NPHP1: variants seen among roughly 807,000 people sequenced by gnomAD.
NPHP1 encodes nephrocystin 1.
NPHP1 carries 70 observed loss-of-function variants against 90.4 expected under a neutral mutation model. The ratio of observed to expected loss-of-function variants is 0.77; its 90% confidence interval spans 0.64 to 0.95. NPHP1 has a LOEUF of 0.95. Among genes scored for constraint, NPHP1 ranks in the 40% least tolerant of loss-of-function variants. The pLI is 0.00. For synonymous variants in NPHP1, 256 were observed against 271.7 expected (o/e 0.94, Z 0.57); for missense variants, 764 against 795.9 (o/e 0.96, Z 0.48).
chr2:110,195,817 T>C (rs957182522), intron 2 of NPHP1, among the ~76,000 whole-genome samples: 8 of 152,048 alleles, frequency 5.3e-5, no homozygotes, highest in African/African-American at 1.7e-4. Flanking sequence ...TATAGACCTA[T>C]GGAATAGAAC....
chr2:110,168,567 A>C lies in NPHP1; in HGVS notation c.523-14T>G, dbSNP rs1455262943. The C allele has an allele frequency of 1.0e-5, 15 of 1,481,680 alleles. No individual in the cohort carries two copies. Among genetic ancestry groups the C allele is most frequent in the Non-Finnish European group, 1.3e-5 (14 of 1,059,430 alleles). The allele number at this position is 1,481,680 out of a possible 1,614,324, so 91.8% of individuals were successfully genotyped here. A position where few individuals can be genotyped will look rare whatever the true frequency, so the allele number is the denominator to read the frequency against. ...AATTTCCCCTTTCTTAAAGCAAAAC[A>C]AAGTAAACCATTTTAAATAAAATTC... On this transcript the variant is annotated splice_polypyrimidine_tract_variant and intron_variant, in intron 5 of 19. Coordinates refer to ENST00000445609, the MANE Select transcript of NPHP1 (RefSeq NM_001128178.3).
Position 110,169,922 on chromosome 2 carries a change from C to A in NPHP1, c.406G>T (p.Ala136Ser), listed in dbSNP as rs149817816. ...TCTTTCTCTTCCTCTTCCTCCTCTG[C>A]ATCTTCTTCCTCCCCACCACTGTCT... ...SEDSGGEEED[A>S]EEEEEEKEEN... The change falls in exon 5 of 20, where the codon GCA becomes TCA. Residue 136 changes from alanine (A) to serine (S), a missense_variant. Ala to Ser is a moderately conservative substitution (Grantham distance 99, BLOSUM62 1). Transcript: ENST00000445609. 3.1e-6 allele frequency: 5 copies of A among 1,605,556 alleles called. No homozygotes were observed. The Admixed American group carries it at 8.3e-5, about 27-fold the overall frequency.
rs140656610 is a variant in NPHP1, at chr2:110,195,899, G to A, written c.143+5522C>T. ...GACAAACCTGACAAAAACAAGAAAT[G>A]GGGAAATGATTCCCTATTTAATAAA... On this transcript the variant is annotated intron_variant, in intron 2 of 19. Coordinates refer to ENST00000445609, the MANE Select transcript of NPHP1 (RefSeq NM_001128178.3). 5.4e-3 allele frequency among the ~76,000 whole-genome samples: 827 copies of A among 152,192 alleles called. 13 individuals carry two copies. Among genetic ancestry groups the A allele is most frequent in the African/African-American group, 0.017 (707 of 41,538 alleles).
chr2:110,182,354 GAAAAA>G (rs966713729), intron 2 of NPHP1, among the ~76,000 whole-genome samples: 4 of 138,124 alleles, frequency 2.9e-5, no homozygotes, highest in Non-Finnish European at 6.3e-5. Context: ...AGGTCAAAAT[GAAAAA>G]AAAAAAAGTT....
chr2:110,197,101 G>A (rs1685224715), intron 2 of NPHP1, among the ~76,000 whole-genome samples: 1 of 152,034 alleles, frequency 6.6e-6, no homozygotes, highest in Non-Finnish European at 1.5e-5. Context: ...GACACAAGGA[G>A]GGTAACAACA....
intron 11 of NPHP1, among the ~76,000 whole-genome samples, chr2:110,157,561 T>C (rs988249084): frequency 2.0e-5 from 3 of 152,106 alleles, no homozygotes; most frequent in African/African-American, 4.8e-5. Context: ...CCTCTTCCAG[T>C]GTTCCCCATC....
At chr2:110,162,129 G>A (rs1329757219) in intron 9 of NPHP1, among the ~76,000 whole-genome samples, 3 of 152,016 alleles carry the variant, frequency 2.0e-5, no homozygotes, top group East Asian at 1.9e-4. Context: ...TTATCCATTC[G>A]AGAAATAATT....
At chr2:110,143,989 A>C (rs1574084980) in intron 15 of NPHP1, 2 of 340,038 alleles carry the variant, frequency 5.9e-6, no homozygotes, top group Non-Finnish European at 1.1e-5. Context: ...ATCACCAAAC[A>C]AATAGAGGGG....
intron 17 of NPHP1, 108 bp from the exon 18 acceptor site, chr2:110,129,367 T>C (rs1012762609): frequency 1.2e-6 from 1 of 854,426 alleles, no homozygotes; most frequent in Admixed American, 2.0e-5. Context: ...AAATGATTTG[T>C]TGATAACACA....
intron 2 of NPHP1, among the ~76,000 whole-genome samples, chr2:110,183,419 C>G (rs1276905432): frequency 6.6e-6 from 1 of 152,126 alleles, no homozygotes; most frequent in Non-Finnish European, 1.5e-5. Flanking sequence ...CCCTTTATTT[C>G]CCGTAAGGAA....
In NPHP1 at chr2:110,201,610, T is replaced by A. The variant is rs1023146015; in HGVS notation, c.70-116A>T. ...CACTTTTAAACATACAACAAAGTTT[T>A]AAAAATTTTACAGTGAAAACCCATA... On this transcript the variant is annotated intron_variant, in intron 1 of 19. Coordinates refer to ENST00000445609, the MANE Select transcript of NPHP1 (RefSeq NM_001128178.3). The A allele has an allele frequency of 8.0e-6, 6 of 754,632 alleles. No homozygotes were observed. The African/African-American group carries it at 1.1e-4, about 13-fold the overall frequency. 46.7% of individuals were successfully genotyped at this position (754,632 alleles called of 1,614,324 possible). A position where few individuals can be genotyped will look rare whatever the true frequency, so the allele number is the denominator to read the frequency against.
chr2:110,164,841 A>C, intron 7 of NPHP1, 111 bp from the exon 8 acceptor site: 2 of 1,074,450 alleles, frequency 1.9e-6, no homozygotes, highest in Non-Finnish European at 2.9e-6. Context: ...AAAATCTAAC[A>C]GTTTCCAGAT....
Position 110,164,378 on chromosome 2 carries a change from T to C in NPHP1, c.771+310A>G, listed in dbSNP as rs1322780566. 4 of 659,068 alleles carry C rather than the reference T, an allele frequency of 6.1e-6. No individual in the cohort carries two copies. The East Asian group carries it at 1.0e-4, about 17-fold the overall frequency. The allele number at this position is 659,068 out of a possible 1,614,324, so 40.8% of individuals were successfully genotyped here. A position where few individuals can be genotyped will look rare whatever the true frequency, so the allele number is the denominator to read the frequency against. On this transcript the variant is annotated intron_variant, in intron 8 of 19. Coordinates refer to ENST00000445609, the MANE Select transcript of NPHP1 (RefSeq NM_001128178.3). ...TTAAAGGCTTTCAGGATTTTTCGAA[T>C]AGTAAATAAAATTTAACATCTGTTT...
At chr2:110,176,547 CACTT>C (rs1481127539) in intron 4 of NPHP1, among the ~76,000 whole-genome samples, 1 of 152,090 alleles carries the variant, frequency 6.6e-6, no homozygotes, top group Non-Finnish European at 1.5e-5. Context: ...TTACATGACT[CACTT>C]ACAGACTTTG....
chr2:110,203,023 G>A (rs534800957), intron 1 of NPHP1, among the ~76,000 whole-genome samples: 2 of 152,220 alleles, frequency 1.3e-5, no homozygotes, highest in South Asian at 4.2e-4. Context: ...AATCAACATA[G>A]ATGCCCACCA....
At chr2:110,143,410 G>T in intron 16 of NPHP1, 132 bp downstream of exon 16, 1 of 707,888 alleles carries the variant, frequency 1.4e-6, no homozygotes, top group Non-Finnish European at 2.6e-6. Context: ...ACTGACCTTT[G>T]GGGGAAGAAT....
chr2:110,184,547 C>A, intron 2 of NPHP1: 1 of 1,304,716 alleles, frequency 7.7e-7, no homozygotes, highest in Non-Finnish European at 1.1e-6. Context: ...GGGATGGCAT[C>A]ACCCATGCTG....
At chr2:110,143,390 C>G (rs780278869) in intron 16 of NPHP1, 152 bp downstream of exon 16, 1 of 657,468 alleles carries the variant, frequency 1.5e-6, no homozygotes, top group African/African-American at 1.8e-5. Flanking sequence ...GCTTTGTTAC[C>G]CATTTCCCTA....
At chr2:110,152,141 C>T (rs766126915) in intron 11 of NPHP1, among the ~76,000 whole-genome samples, 25 of 152,072 alleles carry the variant, frequency 1.6e-4, no homozygotes, top group African/African-American at 5.6e-4. Context: ...ACAGAGATTT[C>T]GTTCAGCAAA....
Sources: gnomAD v4.1 joint callset for allele counts (sites outside exome capture counted in the v4.1 genomes callset) on GRCh38, gnomAD v4.1.1 for gene constraint, MANE v1.5 for transcripts, NCBI Gene and HGNC (gene_info 2026-07-23, HGNC 2026-07-21) for gene names.